EPM2A: variants seen among roughly 807,000 people sequenced by gnomAD.
EPM2A encodes laforin.
EPM2A carries 21 observed loss-of-function variants against 26.5 expected under a neutral mutation model. The ratio of observed to expected loss-of-function variants is 0.79; its 90% CI spans 0.56 to 1.14. The LOEUF (loss-of-function observed/expected upper bound fraction) is 1.14, where lower values mean the gene tolerates loss of function less well. Among genes scored for constraint, EPM2A ranks in the 50% most tolerant of loss-of-function variants. The probability of loss-of-function intolerance (pLI) is 0.00; values close to 1 mark genes in which losing one functional copy is unlikely to be tolerated. For synonymous variants in EPM2A, 217 were observed against 177.6 expected (o/e 1.22, Z -1.76); for missense variants, 458 against 440.8 (o/e 1.04, Z -0.35).
intron 2 of EPM2A, among the ~76,000 whole-genome samples, chr6:145,522,996 G>A (rs1262971783): frequency 1.3e-5 from 2 of 152,046 alleles, no homozygotes; most frequent in South Asian, 2.1e-4. Context: ...GCCTTCTCAG[G>A]GGTTGTTTGT....
Position 145,509,118 on chromosome 6 carries a change from G to T in EPM2A, c.341-6543C>A, listed in dbSNP as rs1004367529. ...AAAGCAATGAAACCTATGACTTGTTGGCATTCCTGAGAGAGAGAAGAAAAG... is the reference window on the plus strand; with the variant it reads ...AAAGCAATGAAACCTATGACTTGTTTGCATTCCTGAGAGAGAGAAGAAAAG... On this transcript the variant is annotated intron_variant, in intron 2 of 3. Coordinates refer to the EPM2A transcript ENST00000450221. Among the ~76,000 whole-genome samples, 4 of 152,116 alleles carry T rather than the reference G, an allele frequency of 2.6e-5. No individual in the cohort carries two copies. The East Asian group carries it at 7.7e-4, about 29-fold the overall frequency.
At chr6:145,435,119 A>G (rs575130466) in intron 4 of EPM2A, among the ~76,000 whole-genome samples, 2 of 152,206 alleles carry the variant, frequency 1.3e-5, no homozygotes, top group South Asian at 2.1e-4. Context: ...GCATGAGCCA[A>G]TTAAACTTCT....
chr6:145,713,559 A>G (rs1775455957), intron 1 of EPM2A, among the ~76,000 whole-genome samples: 1 of 152,188 alleles, frequency 6.6e-6, no homozygotes, highest in South Asian at 2.1e-4. Context: ...CACCCTCTAC[A>G]ATGGCTAAAA....
intron 1 of EPM2A, among the ~76,000 whole-genome samples, chr6:145,689,215 T>C (rs1220214498): frequency 1.3e-5 from 2 of 152,226 alleles, no homozygotes; most frequent in Non-Finnish European, 2.9e-5. Context: ...AACTGAGTTA[T>C]TCAAAATATG....
intron 2 of EPM2A, among the ~76,000 whole-genome samples, chr6:145,515,452 G>A (rs531030924): frequency 5.7e-4 from 87 of 152,226 alleles, no homozygotes; most frequent in African/African-American, 2.0e-3. Flanking sequence ...TTTATTTCAC[G>A]TAGTTCCAGA....
chr6:145,638,714 G>A (rs986862228), intron 2 of EPM2A: 1 of 151,874 alleles, frequency 6.6e-6, no homozygotes, highest in Non-Finnish European at 1.5e-5. Flanking sequence ...GATTTGTACT[G>A]AATCATTGTA....
intron 4 of EPM2A, among the ~76,000 whole-genome samples, chr6:145,430,781 G>T (rs1199468840): frequency 6.6e-6 from 1 of 152,052 alleles, no homozygotes; most frequent in Non-Finnish European, 1.5e-5. Flanking sequence ...TATGAGAAAT[G>T]GAAAGACCAA....
At chr6:145,496,406 C>T (rs1779821118) in intron 4 of EPM2A, among the ~76,000 whole-genome samples, 2 of 152,162 alleles carry the variant, frequency 1.3e-5, no homozygotes, top group South Asian at 4.1e-4. Flanking sequence ...TTATGGATGA[C>T]ATCTTGAAGT....
intron 2 of EPM2A, among the ~76,000 whole-genome samples, chr6:145,683,843 A>G (rs1303155665): frequency 6.6e-6 from 1 of 152,170 alleles, no homozygotes; most frequent in African/African-American, 2.4e-5. Context: ...GGCCAGTAAT[A>G]GCAGAGGAAA....
chr6:145,705,646 T>C, intron 1 of EPM2A: 1 of 442,512 alleles, frequency 2.3e-6, no homozygotes, highest in Non-Finnish European at 4.5e-6. Context: ...GTTCACATTG[T>C]CATCATCTTC....
At chr6:145,473,569 G>T (rs570042544) in intron 4 of EPM2A, among the ~76,000 whole-genome samples, 1 of 152,150 alleles carries the variant, frequency 6.6e-6, no homozygotes, top group East Asian at 1.9e-4. Context: ...GAAGGTTATA[G>T]AACATGATGC....
chr6:145,453,199 A>C lies in EPM2A; in HGVS notation c.555+49323T>G, dbSNP rs570090277. On this transcript the variant is annotated intron_variant, in intron 4 of 4. Coordinates refer to the EPM2A transcript ENST00000638717. ...AGTGCTCACACATTATGCCCAGAAC[A>C]GCGTAATGTCATCTTTAAGTATGAT... 3.9e-5 allele frequency among the ~76,000 whole-genome samples: 6 copies of C among 152,328 alleles called. No individual in the cohort carries two copies. The East Asian group carries it at 9.6e-4, about 24-fold the overall frequency.
At chr6:145,530,389 C>T (rs1780337224) in intron 2 of EPM2A, among the ~76,000 whole-genome samples, 1 of 152,160 alleles carries the variant, frequency 6.6e-6, no homozygotes, top group Non-Finnish European at 1.5e-5. Context: ...TTATTGAATT[C>T]CAAATTAGTA....
intron 4 of EPM2A, among the ~76,000 whole-genome samples, chr6:145,387,039 C>A (rs1005508622): frequency 1.3e-5 from 2 of 152,076 alleles, no homozygotes; most frequent in Admixed American, 1.3e-4. Flanking sequence ...TGTTTTGGGG[C>A]AAAATTTCTT....
chr6:145,676,793 T>C (rs113263419), intron 2 of EPM2A, among the ~76,000 whole-genome samples: 2 of 152,232 alleles, frequency 1.3e-5, no homozygotes, highest in African/African-American at 4.8e-5. Context: ...ATTGATAGCA[T>C]ACCAACCAAA....
At chr6:145,616,452 C>T (rs545295068) in intron 2 of EPM2A, among the ~76,000 whole-genome samples, 4 of 152,296 alleles carry the variant, frequency 2.6e-5, no homozygotes, top group Admixed American at 2.0e-4. Flanking sequence ...GCTAGGGCAG[C>T]GAGGAAGGGA....
intron 4 of EPM2A, among the ~76,000 whole-genome samples, chr6:145,408,060 C>T (rs9322025): frequency 0.39 from 58,571 of 151,972 alleles, 11,707 homozygotes; most frequent in South Asian, 0.53. Flanking sequence ...GACATAATTC[C>T]TTATTTCTCC....
At chr6:145,677,521 T>C (rs769510023) in intron 2 of EPM2A, among the ~76,000 whole-genome samples, 1 of 152,192 alleles carries the variant, frequency 6.6e-6, no homozygotes, top group African/African-American at 2.4e-5. Flanking sequence ...CATGATTGTA[T>C]ATTTAGAAAA....
chr6:145,568,785 T>C (rs777133829), intron 2 of EPM2A, among the ~76,000 whole-genome samples: 8 of 152,202 alleles, frequency 5.3e-5, no homozygotes, highest in Non-Finnish European at 7.4e-5. Flanking sequence ...TAATAGTACC[T>C]GTGGTGTCAG....
Sources: allele counts gnomAD v4.1 joint callset (sites outside exome capture counted in the v4.1 genomes callset), GRCh38; gene constraint gnomAD v4.1.1; transcripts MANE v1.5; gene names NCBI Gene and HGNC (gene_info 2026-07-23, HGNC 2026-07-21).